PLGRKT: variants seen among roughly 807,000 people sequenced by gnomAD.
PLGRKT encodes plasminogen receptor with a C-terminal lysine, also known as plasminogen receptor (KT).
Under a neutral mutation model 18.5 loss-of-function variants are expected in PLGRKT, and 22 were observed. The observed-to-expected ratio is 1.19, with a 90% CI of 0.85 to 1.70. The LOEUF (loss-of-function observed/expected upper bound fraction) is 1.70. PLGRKT is among the 40% of genes most tolerant of loss of function. The probability of loss-of-function intolerance (pLI) is 0.00; values close to 1 mark genes in which losing one functional copy is unlikely to be tolerated. For missense variants in PLGRKT, 235 were observed against 174.4 expected (o/e 1.35, Z -1.96); for synonymous variants, 72 against 52.8 (o/e 1.36, Z -1.58).
At chr9:5,386,085 G>C (rs1424881626) in intron 3 of PLGRKT, among the ~76,000 whole-genome samples, 1 of 151,848 alleles carries the variant, frequency 6.6e-6, no homozygotes, top group Non-Finnish European at 1.5e-5. Flanking sequence ...GAGAACAGAT[G>C]CAAGAAAATG....
In PLGRKT at chr9:5,394,599, G is replaced by C. The variant is rs142039747; in HGVS notation, c.82-32711C>G. Among the ~76,000 whole-genome samples, 322 of 151,838 alleles carry C rather than the reference G, an allele frequency of 2.1e-3. 3 individuals carry two copies. The highest frequency in any genetic ancestry group is 7.4e-3 in the African/African-American group (305 of 41,192). ...GGCTAATTTTTGTATTTTCAGTAGA[G>C]GCAGAGTCTCACCATGTTGGTCAGG... On this transcript the variant is annotated intron_variant, in intron 3 of 5. Transcript: ENST00000223864.
intron 3 of PLGRKT, among the ~76,000 whole-genome samples, chr9:5,423,904 T>G (rs1190431062): frequency 8.6e-6 from 1 of 116,036 alleles, no homozygotes; most frequent in Non-Finnish European, 1.8e-5. Flanking sequence ...ATATATTACA[T>G]ATATTAGATA....
At chr9:5,364,114 T>C (rs1817329235) in intron 3 of PLGRKT, among the ~76,000 whole-genome samples, 1 of 152,160 alleles carries the variant, frequency 6.6e-6, no homozygotes, top group Non-Finnish European at 1.5e-5. Flanking sequence ...ATCATGAGCA[T>C]CTGGGGAGAT....
chr9:5,390,128 G>C (rs867338159), intron 3 of PLGRKT, among the ~76,000 whole-genome samples: 1 of 151,634 alleles, frequency 6.6e-6, no homozygotes. Flanking sequence ...TCTGCTTCAG[G>C]ATGGGAGGGT....
intron 3 of PLGRKT, among the ~76,000 whole-genome samples, chr9:5,416,274 C>T (rs934714114): frequency 6.6e-6 from 1 of 152,068 alleles, no homozygotes; most frequent in African/African-American, 2.4e-5. Flanking sequence ...AATCCTCCTC[C>T]TCCTGCTGCC....
intron 3 of PLGRKT, among the ~76,000 whole-genome samples, chr9:5,387,669 C>CG (rs1025677846): frequency 1.0e-5 from 1 of 97,738 alleles, no homozygotes; most frequent in Admixed American, 1.0e-4. Flanking sequence ...AAGCCTCCTG[C>CG]GGGGGGGCTG....
chr9:5,389,350 T>C (rs541263418), intron 3 of PLGRKT, among the ~76,000 whole-genome samples: 1 of 151,902 alleles, frequency 6.6e-6, no homozygotes, highest in Non-Finnish European at 1.5e-5. Context: ...TATGTCTTTG[T>C]TCATCACAAG....
At chr9:5,397,833 T>G (rs932650009) in intron 3 of PLGRKT, among the ~76,000 whole-genome samples, 5 of 151,964 alleles carry the variant, frequency 3.3e-5, no homozygotes, top group African/African-American at 4.8e-5. Flanking sequence ...TCAGCACACT[T>G]TAGTTTGTGA....
intron 3 of PLGRKT, among the ~76,000 whole-genome samples, chr9:5,408,216 G>C (rs975599165): frequency 6.6e-6 from 1 of 152,194 alleles, no homozygotes; most frequent in Non-Finnish European, 1.5e-5. Flanking sequence ...GAAGACAGAA[G>C]GATGACGGAA....
At chr9:5,392,409 C>T (rs1202652420) in intron 3 of PLGRKT, 1 of 152,008 alleles carries the variant, frequency 6.6e-6, no homozygotes, top group African/African-American at 2.4e-5. Context: ...TTCCTATTCA[C>T]TGTATCATTA....
intron 3 of PLGRKT, among the ~76,000 whole-genome samples, chr9:5,381,202 A>G (rs1817737578): frequency 6.6e-6 from 1 of 152,244 alleles, no homozygotes; most frequent in Non-Finnish European, 1.5e-5. Flanking sequence ...AATAGCCAAG[A>G]CAATGGGGAA....
intron 3 of PLGRKT, among the ~76,000 whole-genome samples, chr9:5,422,241 C>G (rs950515842): frequency 6.6e-6 from 1 of 152,120 alleles, no homozygotes; most frequent in East Asian, 1.9e-4. Flanking sequence ...ATGGGTAGAT[C>G]AGGTCGATAT....
chr9:5,384,722 A>C (rs1817809437), intron 3 of PLGRKT, among the ~76,000 whole-genome samples: 1 of 151,998 alleles, frequency 6.6e-6, no homozygotes, highest in Admixed American at 6.6e-5. Flanking sequence ...CATAAGTTAG[A>C]AATTCAGAGC....
intron 5 of PLGRKT, among the ~76,000 whole-genome samples, chr9:5,360,041 A>G (rs577689867): frequency 6.6e-6 from 1 of 152,338 alleles, no homozygotes; most frequent in South Asian, 2.1e-4. Flanking sequence ...ATGAGAGAGT[A>G]TAATGGATGA....
intron 5 of PLGRKT, among the ~76,000 whole-genome samples, 177 bp downstream of exon 5, chr9:5,360,901 G>C (rs1412447754): frequency 1.3e-5 from 2 of 152,204 alleles, no homozygotes; most frequent in Non-Finnish European, 2.9e-5. Flanking sequence ...GTTCTTGTGA[G>C]CTGGTATGAG....
intron 3 of PLGRKT, among the ~76,000 whole-genome samples, chr9:5,425,121 C>G (rs761507941): frequency 1.3e-5 from 2 of 152,130 alleles, no homozygotes; most frequent in Non-Finnish European, 2.9e-5. Context: ...AGTGCTTTGC[C>G]TACATAGCAC....
At chr9:5,377,592 G>C (rs1169537394) in intron 3 of PLGRKT, among the ~76,000 whole-genome samples, 3 of 152,180 alleles carry the variant, frequency 2.0e-5, no homozygotes, top group African/African-American at 7.2e-5. Context: ...AAGCAGATGG[G>C]ATCAAAATGA....
chr9:5,393,043 T>C (rs1817979178), intron 3 of PLGRKT, among the ~76,000 whole-genome samples: 1 of 151,700 alleles, frequency 6.6e-6, no homozygotes, highest in African/African-American at 2.4e-5. Context: ...GATTTCACCA[T>C]GTTGGCCAGG....
In PLGRKT at chr9:5,368,344, A is replaced by G. The variant is rs1037340430; in HGVS notation, c.82-6456T>C. On this transcript the variant is annotated intron_variant, in intron 3 of 5. Coordinates refer to ENST00000223864, the MANE Select transcript of PLGRKT (RefSeq NM_018465.4). ...ATGGAATCAACCTAGGTGCCCATCA[A>G]TGGTGGATTGGCGAAAGAAAACGTG... 3.3e-5 allele frequency among the ~76,000 whole-genome samples: 5 copies of G among 152,352 alleles called. No homozygotes were observed. The South Asian group carries it at 8.3e-4, about 25-fold the overall frequency.
Sources: allele counts gnomAD v4.1 joint callset (sites outside exome capture counted in the v4.1 genomes callset), GRCh38; gene constraint gnomAD v4.1.1; transcripts MANE v1.5; gene names NCBI Gene and HGNC (gene_info 2026-07-23, HGNC 2026-07-21).